Variants in ZWILCH observed in about 807,000 individuals in gnomAD.
The protein encoded by ZWILCH is protein zwilch homolog.
A neutral mutation model predicts 79.9 loss-of-function variants in ZWILCH; 74 were observed. That is an observed-to-expected ratio of 0.93 (90% confidence interval 0.77 to 1.12). ZWILCH has a LOEUF of 1.12. Among genes scored for constraint, ZWILCH ranks in the 50% most tolerant of loss-of-function variants. The pLI, the probability that ZWILCH is intolerant of heterozygous loss-of-function variation, is 0.00. For synonymous variants in ZWILCH, 241 were observed against 228.2 expected, an observed-to-expected ratio of 1.06 and a Z score of -0.51; for missense variants, 694 against 687.5, an observed-to-expected ratio of 1.01 and a Z score of -0.11.
rs980845036 is a variant in ZWILCH at position 66,537,086 on chromosome 15, C to T, written c.1479-82C>T. The T allele has an allele frequency of 4.6e-5, 46 of 999,186 alleles. No individual in the cohort carries two copies. The African/African-American group carries it at 6.5e-4, about 14-fold the overall frequency. The allele number at this position is 999,186 out of a possible 1,614,324, so 61.9% of individuals were successfully genotyped here. On this transcript the variant is annotated intron_variant, in intron 15 of 18. Transcript: ENST00000307897. ...GTTAGTAGTACTCAATAAAATGTTT[C>T]CCTTACGAGCTTTAGACTACCAGAA...
In ZWILCH at chr15:66,549,786, A is replaced by T. The variant is rs1411944649; in HGVS notation, c.*1462A>T. 6.6e-6 allele frequency: 2 copies of T among 304,230 alleles called. No homozygotes were observed. Among genetic ancestry groups the T allele is most frequent in the Non-Finnish European group, 1.2e-5 (2 of 167,296 alleles). The allele number at this position is 304,230 out of a possible 1,614,324, so 18.8% of individuals were successfully genotyped here. A position where few individuals can be genotyped will look rare whatever the true frequency, so the allele number is the denominator to read the frequency against. ...TATAACAAAAATAGTAGGTATATAA[A>T]TTTATAGGTATGATTCTGAAAGAAT... On this transcript the variant is annotated 3_prime_UTR_variant, in exon 19 of 19. Coordinates refer to ENST00000307897, the MANE Select transcript of ZWILCH (RefSeq NM_017975.5).
At chr15:66,533,102 C>T in intron 14 of ZWILCH, 89 bp downstream of exon 14, 2 of 855,710 alleles carry the variant, frequency 2.3e-6, no homozygotes, top group Non-Finnish European at 3.6e-6. Context: ...ATGCTAGCCA[C>T]TGTCTTAGGT....
At chr15:66,520,884 A>G (rs1221790295) in intron 6 of ZWILCH, among the ~76,000 whole-genome samples, 166 bp from the exon 7 acceptor site, 2 of 152,128 alleles carry the variant, frequency 1.3e-5, no homozygotes, top group East Asian at 3.8e-4. Context: ...TCTATTTGGG[A>G]TATATGGAAA....
In ZWILCH at chr15:66,549,288, T is replaced by TAGTATTGCC. The variant is rs995327211; in HGVS notation, c.*965_*973dup. ...TTTAGTTTAATGGAATATACATTCT[T>TAGTATTGCC]AGTATTGCCTGATTATTTAAATTTG... is the stretch of plus-strand genomic sequence containing the variant. On this transcript the variant is annotated 3_prime_UTR_variant, in exon 19 of 19. Coordinates refer to ENST00000307897, the MANE Select transcript of ZWILCH (RefSeq NM_017975.5). 7.2e-4 allele frequency: 110 copies of TAGTATTGCC among 152,320 alleles called. No individual in the cohort carries two copies. Among genetic ancestry groups the TAGTATTGCC allele is most frequent in the African/African-American group, 2.6e-3 (107 of 41,556 alleles). The allele number at this position is 152,320 out of a possible 1,614,324, so 9.4% of individuals were successfully genotyped here. A position where few individuals can be genotyped will look rare whatever the true frequency, so the allele number is the denominator to read the frequency against.
chr15:66,520,693 T>C, intron 6 of ZWILCH, 33 bp downstream of exon 6: 1 of 1,404,148 alleles, frequency 7.1e-7, no homozygotes, highest in South Asian at 1.2e-5. Flanking sequence ...TATTATTTTC[T>C]TCAAATTGTT....
chr15:66,535,847 G>A lies in ZWILCH; in HGVS notation c.1342-86G>A, dbSNP rs921777778. On this transcript the variant is annotated intron_variant, in intron 14 of 18. Transcript: ENST00000307897. ...AATGCCTGTTATCAAGCATCCAAAT[G>A]TAGGTGTAGAAGGCATACCTATATT... 8 of 1,074,320 alleles carry A rather than the reference G, an allele frequency of 7.4e-6. No homozygotes were observed. In the African/African-American group the frequency reaches 1.3e-4, roughly 18 times the overall value. The allele number at this position is 1,074,320 out of a possible 1,614,324, so 66.5% of individuals were successfully genotyped here.
chr15:66,525,306 A>G (rs550771925), intron 8 of ZWILCH, among the ~76,000 whole-genome samples: 5 of 152,308 alleles, frequency 3.3e-5, no homozygotes, highest in South Asian at 2.1e-4. Context: ...TGGTAAATGG[A>G]AGAGCTGGCA....
At chr15:66,506,440 G>A (rs1893822359) in intron 1 of ZWILCH, among the ~76,000 whole-genome samples, 1 of 152,076 alleles carries the variant, frequency 6.6e-6, no homozygotes, top group Non-Finnish European at 1.5e-5. Context: ...AGGCCGAGGC[G>A]GGCGGATCAC....
rs189303666 is a variant in ZWILCH at position 66,520,405 on chromosome 15, G to A, written c.521-185G>A. 4.7e-3 allele frequency: 2,478 copies of A among 524,050 alleles called. 13 individuals are homozygous for A. Among genetic ancestry groups the A allele is most frequent in the Non-Finnish European group, 6.0e-3 (1,753 of 290,520 alleles). 32.5% of individuals were successfully genotyped at this position (524,050 alleles called of 1,614,324 possible). On this transcript the variant is annotated intron_variant, in intron 5 of 18. Transcript: ENST00000307897. Reference sequence around the variant, plus strand: ...TAAAGTGCTGGGATTATATGTGTGAGCCACCATACCCAGCCCACTTTCATT... The same window carrying A: ...TAAAGTGCTGGGATTATATGTGTGAACCACCATACCCAGCCCACTTTCATT...
Position 66,550,102 on chromosome 15 carries a change from C to T in ZWILCH, c.*1778C>T, listed in dbSNP as rs1342932802. 6.3e-7 allele frequency: 1 copy of T among 1,594,644 alleles called. No individual in the cohort carries two copies. The highest frequency in any genetic ancestry group is 2.3e-5 in the East Asian group (1 of 44,172). The stretch of plus-strand genomic sequence containing the variant: ...CCAAAGCTTTGAGGTACCAACTTTC[C>T]ACCTAATAAAAACCCACTTGATAAG... On this transcript the variant is annotated 3_prime_UTR_variant, in exon 19 of 19. Transcript: ENST00000307897.
chr15:66,523,763 A>G lies in ZWILCH; in HGVS notation c.819+15A>G. Reference sequence around the variant, plus strand: ...AATTTCTTCTTGTGAGTATCCTTCTAGAATTCCTTTCCTTAAATCTATGTT... The same window carrying G: ...AATTTCTTCTTGTGAGTATCCTTCTGGAATTCCTTTCCTTAAATCTATGTT... On this transcript the variant is annotated intron_variant, in intron 8 of 18. Transcript: ENST00000307897. The G allele has an allele frequency of 1.3e-6, 2 of 1,578,880 alleles. No individual in the cohort carries two copies. Among genetic ancestry groups the G allele is most frequent in the Non-Finnish European group, 1.7e-6 (2 of 1,151,420 alleles).
intron 7 of ZWILCH, 114 bp downstream of exon 7, chr15:66,521,319 G>A: frequency 1.6e-6 from 2 of 1,272,280 alleles, no homozygotes; most frequent in Non-Finnish European, 2.2e-6. Flanking sequence ...GTGTGAGCTT[G>A]GACAACTCTG....
At chr15:66,522,493 A>G (rs1321200735) in intron 7 of ZWILCH, among the ~76,000 whole-genome samples, 3 of 151,852 alleles carry the variant, frequency 2.0e-5, no homozygotes, top group African/African-American at 7.2e-5. Context: ...GCATGCCACC[A>G]TGCCCAGCTA....
At chr15:66,514,127 C>A in intron 3 of ZWILCH, 44 bp downstream of exon 3, 2 of 1,436,920 alleles carry the variant, frequency 1.4e-6, no homozygotes, top group Non-Finnish European at 1.9e-6. Context: ...TCTCCATAAC[C>A]AAATTTGGTT....
intron 4 of ZWILCH, among the ~76,000 whole-genome samples, chr15:66,516,056 C>T (rs967580196): frequency 7.9e-5 from 12 of 152,192 alleles, no homozygotes; most frequent in Non-Finnish European, 1.6e-4. Flanking sequence ...TTGTCTAGCC[C>T]CACTGGTCCT....
Position 66,523,720 on chromosome 15 carries a change from A to G in ZWILCH, c.791A>G (p.His264Arg). 6.2e-7 allele frequency: 1 copy of G among 1,612,546 alleles called. No individual in the cohort carries two copies. Among genetic ancestry groups the G allele is most frequent in the South Asian group, 1.1e-5 (1 of 90,918 alleles). Residue 264 changes from histidine to arginine, a missense_variant, in exon 8 of 19, where the codon CAT (histidine) becomes CGT (arginine). By Grantham distance (29) the His-to-Arg change is conservative. Coordinates refer to ENST00000307897, the MANE Select transcript of ZWILCH (RefSeq NM_017975.5). The stretch of plus-strand genomic sequence containing the variant: ...GGAGAGCCCAGAGGTCCTTTGAATC[A>G]TCTCTACAGAGAACTGAAATTTCTT... ...ESGEPRGPLN[H>R]LYRELKFLLV... is the part of the protein sequence containing the mutation.
chr15:66,525,126 G>A (rs1894626604), intron 8 of ZWILCH, among the ~76,000 whole-genome samples: 2 of 152,136 alleles, frequency 1.3e-5, no homozygotes, highest in Non-Finnish European at 2.9e-5. Flanking sequence ...TTCTGTCTGT[G>A]GTCCCATCGT....
At position 66,518,991 on chromosome 15, in the gene ZWILCH, C is replaced by G; in HGVS notation, c.433C>G (p.Pro145Ala). 6.2e-7 allele frequency: 1 copy of G among 1,614,170 alleles called. No homozygotes were observed. Among genetic ancestry groups the G allele is most frequent in the Non-Finnish European group, 8.5e-7 (1 of 1,180,026 alleles). ...TTGGGTAAGATGTGACAGTTCAGAT[C>G]CTGAAGGTACTTGTTGGCTAGGAGC... ...PLWVRCDSSD[P>A]EGTCWLGAEL... Residue 145 changes from proline (P) to alanine (A), a missense_variant, in exon 5 of 19, where the codon CCT (proline) becomes GCT (alanine). Coordinates refer to ENST00000307897, the MANE Select transcript of ZWILCH (RefSeq NM_017975.5).
At chr15:66,509,844 T>TGAATGAGAAGCTGTA (rs1567039391) in intron 2 of ZWILCH, among the ~76,000 whole-genome samples, 2 of 76,770 alleles carry the variant, frequency 2.6e-5, no homozygotes, top group African/African-American at 8.4e-5. Context: ...TATATATATA[T>TGAATGAGAAGCTGTA]ATATATATAT....
Sources: gnomAD v4.1 joint callset for allele counts (sites outside exome capture counted in the v4.1 genomes callset) on GRCh38, gnomAD v4.1.1 for gene constraint, MANE v1.5 for transcripts, NCBI Gene and HGNC (gene_info 2026-07-23, HGNC 2026-07-21) for gene names.